The following ARMCX4 variants were observed in gnomAD, a reference collection of about 807,000 sequenced individuals.
The protein encoded by ARMCX4 is armadillo repeat containing X-linked 4.
A neutral mutation model predicts 34.7 loss-of-function variants in ARMCX4; 3 were observed. The ratio of observed to expected loss-of-function variants is 0.09; its 90% CI spans 0.04 to 0.22. The LOEUF is 0.22. Ranked by LOEUF, ARMCX4 falls within the 10% of genes least tolerant of loss-of-function variation. ARMCX4 has a pLI of 1.00. For synonymous variants in ARMCX4, 513 were observed against 632.8 expected, an observed-to-expected ratio of 0.81 and a Z score of 2.84; for missense variants, 1,448 against 1,720.8, an observed-to-expected ratio of 0.84 and a Z score of 2.81.
At chrX:101,505,864 G>A (rs1173449288) in intron 8 of ARMCX4, among the ~76,000 whole-genome samples, 1 of 111,575 alleles carries the variant, frequency 9.0e-6, no homozygotes, top group Non-Finnish European at 1.9e-5. Context: ...TTTTTGAGAT[G>A]GATTTTCGCT....
intron 5 of ARMCX4, 75 bp downstream of exon 5, chrX:101,488,174 G>C (rs1490013168): frequency 1.5e-5 from 6 of 407,888 alleles, no homozygotes; most frequent in African/African-American, 7.8e-5. Flanking sequence ...GGGACTTCTT[G>C]GTTGCTCCCA....
At chrX:101,433,004 GTA>G (rs1250231913) in intron 2 of ARMCX4, among the ~76,000 whole-genome samples, 3 of 37,660 alleles carry the variant, frequency 8.0e-5, no homozygotes, top group African/African-American at 1.3e-4. Flanking sequence ...ACATATATGT[GTA>G]TATATACACA....
intron 4 of ARMCX4, among the ~76,000 whole-genome samples, chrX:101,471,751 C>A (rs1932917686): frequency 9.0e-6 from 1 of 111,177 alleles, no homozygotes; most frequent in Non-Finnish European, 1.9e-5. Context: ...AGGGTCCTGT[C>A]TGTTAGAAGG....
intron 7 of ARMCX4, among the ~76,000 whole-genome samples, chrX:101,502,357 A>T (rs998971856): frequency 8.0e-5 from 9 of 112,194 alleles, no homozygotes; most frequent in Admixed American, 6.6e-4. Flanking sequence ...CTCCCACCTC[A>T]GCCTCCTGAG....
intron 4 of ARMCX4, among the ~76,000 whole-genome samples, chrX:101,468,962 T>A (rs1156879198): frequency 8.9e-6 from 1 of 111,852 alleles, no homozygotes; most frequent in Non-Finnish European, 1.9e-5. Flanking sequence ...CAGACAAGAT[T>A]AAAACAAGCT....
chrX:101,492,283 A>T lies in ARMCX4; in HGVS notation c.3694A>T (p.Ile1232Phe). ...GSWALAGNQA[I>F]GELWAAGQAS... ...TTGGGCTCTCGCTGGGAATCAGGCC[A>T]TTGGAGAGCTTTGGGCTGCGGGTCA... Residue 1232 changes from isoleucine to phenylalanine, a missense_variant, in exon 6 of 6, where the codon ATT becomes TTT. By Grantham distance (21) the Ile-to-Phe change is conservative. Transcript: ENST00000423738. 8.8e-7 allele frequency: 1 copy of T among 1,141,479 alleles called. No individual in the cohort carries two copies. The highest frequency in any genetic ancestry group is 1.8e-5 in the African/African-American group (1 of 54,544). 94.1% of individuals were successfully genotyped at this position (1,141,479 alleles called of 1,213,427 possible). A position where few individuals can be genotyped will look rare whatever the true frequency, so the allele number is the denominator to read the frequency against.
chrX:101,498,354 T>C, downstream of ARMCX4: 1 of 223,399 alleles, frequency 4.5e-6, no homozygotes, highest in Non-Finnish European at 8.4e-6. Context: ...GATAGGCCTC[T>C]GGAATAAGGT....
At position 101,491,692 on chromosome X, in the gene ARMCX4, G is replaced by A. The variant is rs781932642; in HGVS notation, c.3103G>A (p.Gly1035Ser). Residue 1035 changes from glycine to serine, a missense_variant, in exon 6 of 6, where the codon GGT (glycine) becomes AGT (serine). Transcript: ENST00000423738. ...RHSAQPQIVA[G>S]SQGETLPGAR... is the part of the protein sequence containing the mutation. ...CTCTGCCCAGCCTCAGATTGTGGCC[G>A]GTTCCCAGGGTGAGACCTTGCCTGG... 1.4e-5 allele frequency: 16 copies of A among 1,153,098 alleles called. No individual in the cohort carries two copies. The highest frequency in any genetic ancestry group is 9.5e-5 in the South Asian group (5 of 52,529).
At position 101,494,357 on chromosome X, in the gene ARMCX4, G is replaced by A. The variant is rs1167170040; in HGVS notation, c.5768G>A (p.Ser1923Asn). Residue 1923 changes from serine (S) to asparagine (N), a missense_variant, in exon 6 of 6, where the codon AGT (serine) becomes AAT (asparagine). Around this residue, in one of 2 missense-constraint regions of ARMCX4, gnomAD observed 1,343 missense variants for 1,540.7 expected, o/e 0.87. Transcript: ENST00000423738. ...TFRSKSGKDA[S>N]FESGAGDNTS... ...AGATCTAAGAGTGGGAAAGATGCCAGTTTTGAGTCTGGAGCTGGGGATAAC... is the reference window on the plus strand; with the variant it reads ...AGATCTAAGAGTGGGAAAGATGCCAATTTTGAGTCTGGAGCTGGGGATAAC... 11 of 1,153,348 alleles carry A rather than the reference G, an allele frequency of 9.5e-6. No homozygotes were observed. The highest frequency in any genetic ancestry group is 1.8e-5 in the African/African-American group (1 of 55,500).
rs1445260845 is a variant in ARMCX4 at position 101,490,346 on chromosome X, T to C, written c.1757T>C (p.Val586Ala). The C allele has an allele frequency of 8.7e-7, 1 of 1,152,818 alleles. No individual in the cohort carries two copies. The highest frequency in any genetic ancestry group is 1.1e-6 in the Non-Finnish European group (1 of 871,709). Residue 586 changes from valine to alanine, a missense_variant, in exon 6 of 6, where the codon GTC becomes GCC. Around this residue, in one of 2 missense-constraint regions of ARMCX4, gnomAD observed 1,343 missense variants for 1,540.7 expected, o/e 0.87. Transcript: ENST00000423738. ...SKAGTKADQR[V>A]CGQPLVVANP... ...GCCGGGACTAAGGCAGACCAGAGGG[T>C]CTGTGGTCAGCCCCTGGTTGTGGCC...
intron 2 of ARMCX4, among the ~76,000 whole-genome samples, chrX:101,428,140 A>G (rs1469458150): frequency 8.9e-6 from 1 of 112,465 alleles, no homozygotes; most frequent in African/African-American, 3.2e-5. Flanking sequence ...ACAAATGTGC[A>G]TAAACAAGTG....
chrX:101,529,027 A>G (rs939898434), intron 11 of ARMCX4, among the ~76,000 whole-genome samples: 2 of 111,594 alleles, frequency 1.8e-5, no homozygotes, highest in Non-Finnish European at 3.8e-5. Flanking sequence ...TATTGCCAAG[A>G]CAATCCTAAT....
At chrX:101,459,691 G>C (rs902574153) in intron 4 of ARMCX4, among the ~76,000 whole-genome samples, 1 of 111,861 alleles carries the variant, frequency 8.9e-6, no homozygotes, top group Admixed American at 9.5e-5. Flanking sequence ...AATGGCATAG[G>C]GATTTTCTAT....
At chrX:101,501,029 G>C (rs188226545) in intron 7 of ARMCX4, among the ~76,000 whole-genome samples, 1 of 112,164 alleles carries the variant, frequency 8.9e-6, no homozygotes, top group African/African-American at 3.2e-5. Flanking sequence ...AATGGCCTGG[G>C]GAATGCTAGA....
chrX:101,503,312 T>G (rs1397705141), intron 7 of ARMCX4, among the ~76,000 whole-genome samples: 3 of 111,281 alleles, frequency 2.7e-5, no homozygotes, highest in South Asian at 3.8e-4. Context: ...GTAATGGGAT[T>G]GCTGGGTCAA....
At chrX:101,515,413 CTCTTCCTTCCTT>C (rs1229128044) in intron 11 of ARMCX4, among the ~76,000 whole-genome samples, 1 of 12,501 alleles carries the variant, frequency 8.0e-5, no homozygotes, top group African/African-American at 3.1e-4. Flanking sequence ...CTCCCTCCCT[CTCTTCCTTCCTT>C]CCTTCCTTCC....
chrX:101,477,205 C>T (rs1375765042), intron 4 of ARMCX4, among the ~76,000 whole-genome samples: 2 of 108,899 alleles, frequency 1.8e-5, no homozygotes, highest in Non-Finnish European at 3.8e-5. Context: ...TTTGGGAGGC[C>T]GAGGTGGGTG....
chrX:101,450,345 T>A (rs1931911446), downstream of ARMCX4, among the ~76,000 whole-genome samples: 1 of 112,366 alleles, frequency 8.9e-6, no homozygotes, highest in Admixed American at 9.4e-5. Context: ...CCATGGTCAC[T>A]GCCACCACAG....
At chrX:101,439,241 G>A (rs1483345797) in intron 2 of ARMCX4, among the ~76,000 whole-genome samples, 1 of 111,367 alleles carries the variant, frequency 9.0e-6, no homozygotes, top group Non-Finnish European at 1.9e-5. Context: ...GCTTAGTTTG[G>A]CTGGATATGA....
Sources: gnomAD v4.1 joint callset for allele counts (sites outside exome capture counted in the v4.1 genomes callset) on GRCh38, gnomAD v4.1.1 for gene constraint, gnomAD v4.1.1 regional missense constraint, MANE v1.5 for transcripts, NCBI Gene and HGNC (gene_info 2026-07-23, HGNC 2026-07-21) for gene names.